Variants in CPQ observed in about 807,000 individuals in gnomAD.
CPQ encodes carboxypeptidase Q.
CPQ carries 37 observed loss-of-function variants against 45.7 expected under a neutral mutation model. The observed-to-expected ratio is 0.81, with a 90% CI of 0.62 to 1.07. CPQ has a LOEUF of 1.07. CPQ is among the 50% of genes least tolerant of loss of function. The probability of loss-of-function intolerance (pLI) is 0.00; values close to 1 mark genes in which losing one functional copy is unlikely to be tolerated. For missense variants in CPQ, 537 were observed against 572.9 expected (o/e 0.94, Z 0.64); for synonymous variants, 186 against 205.8 (o/e 0.90, Z 0.82).
intron 7 of CPQ, among the ~76,000 whole-genome samples, chr8:97,126,088 G>T (rs1289704067): frequency 6.6e-6 from 1 of 152,066 alleles, no homozygotes; most frequent in Non-Finnish European, 1.5e-5. Context: ...GGAAGACAAA[G>T]CTTTTTCAAG....
At chr8:96,803,023 G>T (rs1811027282) in intron 2 of CPQ, among the ~76,000 whole-genome samples, 1 of 140,924 alleles carries the variant, frequency 7.1e-6, no homozygotes, top group Admixed American at 7.1e-5. Context: ...ACACACACAT[G>T]GCCTCTTTGG....
rs187682334 is a variant in CPQ at position 96,817,623 on chromosome 8, T to A, written c.434-17350T>A. Among the ~76,000 whole-genome samples, 237 of 152,088 alleles carry A rather than the reference T, an allele frequency of 1.6e-3. 2 individuals carry two copies. The highest frequency in any genetic ancestry group is 1.0e-2 in the Admixed American group (152 of 15,258). On this transcript the variant is annotated intron_variant, in intron 2 of 7. Coordinates refer to ENST00000220763, the MANE Select transcript of CPQ (RefSeq NM_016134.4). ...TCGCTGGACTAGCACTTTTTTTTTT[T>A]TTATTATTGAGACAGAGTCTTGCTC...
At chr8:96,703,723 C>T (rs1301136218) in intron 1 of CPQ, among the ~76,000 whole-genome samples, 9 of 152,006 alleles carry the variant, frequency 5.9e-5, no homozygotes, top group Non-Finnish European at 1.2e-4. Context: ...TATAAGAGTC[C>T]ACTGTTTACT....
intron 1 of CPQ, among the ~76,000 whole-genome samples, chr8:96,765,597 A>G (rs889495110): frequency 7.2e-5 from 11 of 152,148 alleles, no homozygotes; most frequent in African/African-American, 2.4e-4. Context: ...AAGTTCTTGC[A>G]TTTAAATGTC....
chr8:96,895,255 AAAG>A (rs768818850), intron 4 of CPQ, among the ~76,000 whole-genome samples: 2 of 152,354 alleles, frequency 1.3e-5, no homozygotes, highest in East Asian at 1.9e-4. Flanking sequence ...AGAAAAGTGA[AAAG>A]AAGTTTTACT....
chr8:96,814,871 A>G (rs1811205866), intron 2 of CPQ, among the ~76,000 whole-genome samples: 1 of 152,180 alleles, frequency 6.6e-6, no homozygotes, highest in Admixed American at 6.6e-5. Flanking sequence ...AACCTCAGAA[A>G]CATTAGGATA....
chr8:97,073,250 C>A (rs1810783899), intron 7 of CPQ, among the ~76,000 whole-genome samples: 1 of 152,212 alleles, frequency 6.6e-6, no homozygotes, highest in Admixed American at 6.5e-5. Context: ...TAAATTAAAA[C>A]TTTCCATTTC....
chr8:97,004,907 T>A (rs931608169), intron 5 of CPQ, among the ~76,000 whole-genome samples: 2 of 147,968 alleles, frequency 1.4e-5, no homozygotes, highest in Non-Finnish European at 3.1e-5. Flanking sequence ...ATTTCTTTTC[T>A]GTGTTTCCCA....
rs770300938 is a variant in CPQ at position 96,871,067 on chromosome 8, T to C, written c.642-8731T>C. 5.3e-5 allele frequency among the ~76,000 whole-genome samples: 8 copies of C among 151,846 alleles called. 1 individual carries two copies. The highest frequency in any genetic ancestry group is 1.3e-4 in the Admixed American group (2 of 15,226). On this transcript the variant is annotated intron_variant, in intron 3 of 7. Transcript: ENST00000220763. The stretch of plus-strand genomic sequence containing the variant: ...CACAGATGCTGTTTGTATACATTAC[T>C]TTCCTCCTTTGAATTCACTAAGTAC...
intron 6 of CPQ, among the ~76,000 whole-genome samples, chr8:97,054,255 T>C (rs2089310397): frequency 2.0e-5 from 3 of 152,068 alleles, no homozygotes; most frequent in Non-Finnish European, 2.9e-5. Context: ...ATGGCCATTA[T>C]TAAAAAATCA....
chr8:97,102,300 C>G (rs758547024), intron 7 of CPQ, among the ~76,000 whole-genome samples: 2 of 152,106 alleles, frequency 1.3e-5, no homozygotes, highest in East Asian at 1.9e-4. Flanking sequence ...ACCAAAGTAC[C>G]TAATTACTAA....
chr8:96,878,174 G>A (rs1405518206), intron 3 of CPQ, among the ~76,000 whole-genome samples: 1 of 151,956 alleles, frequency 6.6e-6, no homozygotes, highest in African/African-American at 2.4e-5. Flanking sequence ...CCCCATGTTG[G>A]CCAGGATGGT....
intron 2 of CPQ, among the ~76,000 whole-genome samples, chr8:96,815,924 C>G (rs1811223219): frequency 6.6e-6 from 1 of 152,118 alleles, no homozygotes. Flanking sequence ...TAACTGTCAT[C>G]TGTGCCTTCA....
chr8:97,025,835 GATAA>G (rs2130463851), intron 5 of CPQ, among the ~76,000 whole-genome samples: 1 of 152,314 alleles, frequency 6.6e-6, no homozygotes, highest in Non-Finnish European at 1.5e-5. Flanking sequence ...ATTTGAAAAT[GATAA>G]ATATAGATGT....
chr8:97,126,327 C>T (rs577898426), intron 7 of CPQ, among the ~76,000 whole-genome samples: 10 of 152,254 alleles, frequency 6.6e-5, no homozygotes, highest in Non-Finnish European at 1.5e-4. Context: ...GGCAGATGTA[C>T]TTACAGAAGT....
intron 1 of CPQ, among the ~76,000 whole-genome samples, chr8:96,777,868 A>G (rs1412857192): frequency 7.3e-6 from 1 of 136,122 alleles, no homozygotes; most frequent in Non-Finnish European, 1.5e-5. Flanking sequence ...AGCTGGGACT[A>G]CAGGCGCCCT....
intron 2 of CPQ, among the ~76,000 whole-genome samples, chr8:96,828,667 G>A (rs190578175): frequency 3.3e-5 from 5 of 152,094 alleles, no homozygotes; most frequent in Middle Eastern, 3.4e-3. Flanking sequence ...GATGACAGCG[G>A]TTTTCATGAA....
intron 6 of CPQ, among the ~76,000 whole-genome samples, chr8:97,048,224 A>T (rs1313012305): frequency 6.6e-6 from 1 of 152,194 alleles, no homozygotes; most frequent in South Asian, 2.1e-4. Flanking sequence ...AATTTAGAAG[A>T]TTGGAGGAGC....
At chr8:96,940,171 A>C (rs1356092884) in intron 4 of CPQ, among the ~76,000 whole-genome samples, 1 of 152,082 alleles carries the variant, frequency 6.6e-6, no homozygotes, top group Non-Finnish European at 1.5e-5. Flanking sequence ...CTAATAAATT[A>C]TATTTAAAAA....
Sources: gnomAD v4.1 joint callset for allele counts (sites outside exome capture counted in the v4.1 genomes callset) on GRCh38, gnomAD v4.1.1 for gene constraint, MANE v1.5 for transcripts, NCBI Gene and HGNC (gene_info 2026-07-23, HGNC 2026-07-21) for gene names.